SLC13A3: variants seen among roughly 807,000 people sequenced by gnomAD.
SLC13A3 encodes Na(+)/dicarboxylate cotransporter 3.
SLC13A3 carries 40 observed loss-of-function variants against 59.0 expected under a neutral mutation model. The ratio of observed to expected loss-of-function variants is 0.68; its 90% confidence interval spans 0.53 to 0.88. The LOEUF (loss-of-function observed/expected upper bound fraction) is 0.88. SLC13A3 is among the 40% of genes least tolerant of loss of function. The probability of loss-of-function intolerance (pLI) is 0.00; values close to 1 mark genes in which losing one functional copy is unlikely to be tolerated. For synonymous variants in SLC13A3, 317 were observed against 330.3 expected, an observed-to-expected ratio of 0.96 and a Z score of 0.44; for missense variants, 699 against 783.2, an observed-to-expected ratio of 0.89 and a Z score of 1.28.
chr20:46,600,406 GGAGGAAGGAAGGAAGGAA>G lies in SLC13A3; in HGVS notation c.542-387_542-370del, dbSNP rs1269337920. ...AAAGGGAGGGAAAGAAAGAAAGAAAGGAGGAAGGAAGGAAGGAAAGGAAGGAAGGAAGGAAGGAAAAGG... is the reference window on the plus strand; with the variant it reads ...AAAGGGAGGGAAAGAAAGAAAGAAAGAGGAAGGAAGGAAGGAAGGAAAAGG... On this transcript the variant is annotated intron_variant, in intron 3 of 12. Coordinates refer to ENST00000279027, the MANE Select transcript of SLC13A3 (RefSeq NM_022829.6). Among the ~76,000 whole-genome samples, 57 of 146,626 alleles carry G rather than the reference GGAGGAAGGAAGGAAGGAA, an allele frequency of 3.9e-4. 1 individual carries two copies. Among genetic ancestry groups the G allele is most frequent in the South Asian group, 1.3e-3 (6 of 4,640 alleles).
chr20:46,674,013 C>T (rs959574798), upstream of SLC13A3, among the ~76,000 whole-genome samples: 24 of 152,146 alleles, frequency 1.6e-4, no homozygotes, highest in Admixed American at 1.6e-3. Flanking sequence ...TGATAAGATA[C>T]ATGTGTGAAA....
At position 46,602,104 on chromosome 20, in the gene SLC13A3, CAGG is replaced by C. The variant is rs2062385724; in HGVS notation, c.542-2070_542-2068del. On this transcript the variant is annotated intron_variant, in intron 3 of 12. Coordinates refer to ENST00000279027, the MANE Select transcript of SLC13A3 (RefSeq NM_022829.6). ...ATCCCAGCTACTCAGGAGGCTAAGG[CAGG>C]AGGATTGCTTGAGCCGAGAGTTTGA... Among the ~76,000 whole-genome samples the C allele has an allele frequency of 2.0e-5, 3 of 152,236 alleles. No homozygotes were observed. In the South Asian group the frequency reaches 6.2e-4, roughly 32 times the overall value.
intron 7 of SLC13A3, 52 bp from the exon 8 acceptor site, chr20:46,588,215 G>A (rs778757838): frequency 3.9e-5 from 45 of 1,151,062 alleles, no homozygotes; most frequent in Middle Eastern, 2.0e-4. Context: ...CAGGCAGACC[G>A]CAGCAGGCAC....
intron 1 of SLC13A3, among the ~76,000 whole-genome samples, chr20:46,677,334 G>A (rs2063132012): frequency 6.6e-6 from 1 of 152,160 alleles, no homozygotes; most frequent in African/African-American, 2.4e-5. Context: ...TCAAGAAATA[G>A]AACTTGTCCA....
intron 1 of SLC13A3, among the ~76,000 whole-genome samples, chr20:46,681,082 G>A (rs372013699): frequency 1.3e-5 from 2 of 152,212 alleles, no homozygotes; most frequent in Non-Finnish European, 1.5e-5. Flanking sequence ...AAGGAAGAAC[G>A]GAAGGGGCCA....
intron 9 of SLC13A3, among the ~76,000 whole-genome samples, chr20:46,578,922 C>A (rs1451642335): frequency 2.6e-5 from 4 of 152,044 alleles, no homozygotes; most frequent in African/African-American, 9.7e-5. Flanking sequence ...TCATCATCAT[C>A]ATCATCATCA....
At chr20:46,597,407 T>C (rs1339946594) in intron 4 of SLC13A3, among the ~76,000 whole-genome samples, 5 of 152,152 alleles carry the variant, frequency 3.3e-5, no homozygotes, top group Non-Finnish European at 5.9e-5. Flanking sequence ...TACATAGAAT[T>C]ATCAATTTAT....
intron 1 of SLC13A3, among the ~76,000 whole-genome samples, chr20:46,640,516 G>A (rs1335694477): frequency 2.0e-5 from 3 of 152,186 alleles, no homozygotes; most frequent in Non-Finnish European, 4.4e-5. Flanking sequence ...AAAAAGAGCA[G>A]AGAGTCTGGA....
At chr20:46,563,619 A>C in intron 11 of SLC13A3, 68 bp from the exon 12 acceptor site, 1 of 1,461,784 alleles carries the variant, frequency 6.8e-7, no homozygotes, top group Non-Finnish European at 9.3e-7. Context: ...CAAGAGGGAG[A>C]GAGAGAGAGA....
At chr20:46,598,332 T>C (rs2062336056) in intron 4 of SLC13A3, among the ~76,000 whole-genome samples, 1 of 152,164 alleles carries the variant, frequency 6.6e-6, no homozygotes, top group Non-Finnish European at 1.5e-5. Context: ...GGTCCAGAAC[T>C]GTGGCCTCCC....
chr20:46,561,623 C>T (rs1568905703), intron 12 of SLC13A3, among the ~76,000 whole-genome samples: 1 of 151,332 alleles, frequency 6.6e-6, no homozygotes, highest in East Asian at 1.9e-4. Context: ...GCACTGGAAA[C>T]ATTTCTTCTG....
chr20:46,582,901 A>G (rs921890380), intron 9 of SLC13A3: 12 of 985,370 alleles, frequency 1.2e-5, no homozygotes, highest in Non-Finnish European at 1.4e-5. Flanking sequence ...TCTGAAGGCC[A>G]CAGTCTACAA....
chr20:46,574,662 G>C (rs1269457638), intron 10 of SLC13A3, among the ~76,000 whole-genome samples: 1 of 152,118 alleles, frequency 6.6e-6, no homozygotes, highest in Non-Finnish European at 1.5e-5. Context: ...AGACTCTAGA[G>C]CCGAACTGCC....
intron 5 of SLC13A3, among the ~76,000 whole-genome samples, chr20:46,594,674 C>T (rs1043224281): frequency 2.6e-5 from 4 of 151,994 alleles, no homozygotes; most frequent in African/African-American, 2.4e-5. Flanking sequence ...AAAAAGACAT[C>T]TAAGGTTTGC....
chr20:46,575,725 TCAGCCTGAGGCAGAGGCCAC>T (rs1433880988), intron 9 of SLC13A3, 40 bp from the exon 10 acceptor site: 12 of 1,349,452 alleles, frequency 8.9e-6, no homozygotes, highest in Non-Finnish European at 1.2e-5. Context: ...TCAGGGCCGC[TCAGCCTGAGGCAGAGGCCAC>T]CAGCCCTGAG....
At chr20:46,591,164 CTAAATAAATAAA>C (rs56802241) in intron 6 of SLC13A3, among the ~76,000 whole-genome samples, 17 of 148,964 alleles carry the variant, frequency 1.1e-4, no homozygotes, top group Non-Finnish European at 1.8e-4. Flanking sequence ...GAGACTTTGT[CTAAATAAATAAA>C]TAAATAAATA....
At chr20:46,582,267 T>C (rs550259450) in intron 9 of SLC13A3, among the ~76,000 whole-genome samples, 1 of 152,124 alleles carries the variant, frequency 6.6e-6, no homozygotes. Flanking sequence ...CTACCAGGAA[T>C]GCCTCACCAC....
Position 46,651,305 on chromosome 20 carries a change from C to T in SLC13A3, c.111+6G>A. ...ACCGGGGGCGCACAGGCGGAGGAGG[C>T]GTTACCTTGGGCGGGAGGGCGAAGA... On this transcript the variant is annotated splice_donor_region_variant and intron_variant, in intron 1 of 12. Coordinates refer to ENST00000279027, the MANE Select transcript of SLC13A3 (RefSeq NM_022829.6). 1.3e-6 allele frequency: 2 copies of T among 1,493,488 alleles called. No homozygotes were observed. The highest frequency in any genetic ancestry group is 1.3e-5 in the South Asian group (1 of 77,098). The allele number at this position is 1,493,488 out of a possible 1,614,324, so 92.5% of individuals were successfully genotyped here. A position where few individuals can be genotyped will look rare whatever the true frequency, so the allele number is the denominator to read the frequency against.
At chr20:46,581,729 G>A (rs2062140833) in intron 9 of SLC13A3, among the ~76,000 whole-genome samples, 2 of 152,180 alleles carry the variant, frequency 1.3e-5, no homozygotes, top group African/African-American at 2.4e-5. Context: ...AAGCCACGGG[G>A]ATCAGACACT....
Sources: allele counts gnomAD v4.1 joint callset (sites outside exome capture counted in the v4.1 genomes callset), GRCh38; gene constraint gnomAD v4.1.1; transcripts MANE v1.5; gene names NCBI Gene and HGNC (gene_info 2026-07-23, HGNC 2026-07-21).